The following TRAF4 variants were observed in gnomAD, a reference collection of about 807,000 sequenced individuals.
TRAF4 encodes the protein TNF receptor-associated factor 4.
Under a neutral mutation model 47.3 loss-of-function variants are expected in TRAF4, and 9 were observed. The observed-to-expected ratio is 0.19, with a 90% confidence interval of 0.11 to 0.33. The LOEUF is 0.33. Ranked by LOEUF, TRAF4 falls within the 10% of genes least tolerant of loss-of-function variation. The pLI is 1.00. For missense variants in TRAF4, 448 were observed against 620.3 expected, an observed-to-expected ratio of 0.72 and a Z score of 2.95; for synonymous variants, 236 against 236.9, an observed-to-expected ratio of 1.00 and a Z score of 0.04.
At position 28,749,395 on chromosome 17, in the gene TRAF4, G is replaced by T; in HGVS notation, c.1231G>T (p.Asp411Tyr). ...GCACGTCACTGAGACCTTCCACCCC[G>T]ACCCAAACTGGAAGAATTTCCAGAA... ...PQHVTETFHP[D>Y]PNWKNFQKPG... Residue 411 changes from aspartate (D) to tyrosine (Y), a missense_variant, in exon 7 of 7, where the codon GAC becomes TAC. Coordinates refer to ENST00000262395, the MANE Select transcript of TRAF4 (RefSeq NM_004295.4). 6.2e-7 allele frequency: 1 copy of T among 1,613,944 alleles called. No individual in the cohort carries two copies. The highest frequency in any genetic ancestry group is 1.1e-5 in the South Asian group (1 of 91,086).
chr17:28,748,611 G>C lies in TRAF4; in HGVS notation c.725G>C (p.Ser242Thr). 1 of 1,613,214 alleles carries C rather than the reference G, an allele frequency of 6.2e-7. No individual in the cohort carries two copies. The highest frequency in any genetic ancestry group is 2.2e-5 in the East Asian group (1 of 44,888). The part of the protein sequence containing the change: ...REDLPGHLKD[S>T]CNTALVLCPF... ...GACCTGCCAGGCCATCTGAAGGACAGCTGTAACACCGCCCTGGTGCTCTGC... is the reference window on the plus strand; with the variant it reads ...GACCTGCCAGGCCATCTGAAGGACACCTGTAACACCGCCCTGGTGCTCTGC... Residue 242 changes from serine (S) to threonine (T), a missense_variant, in exon 6 of 7, where the codon AGC becomes ACC. Ser to Thr is a moderately conservative substitution (Grantham distance 58). Coordinates refer to ENST00000262395, the MANE Select transcript of TRAF4 (RefSeq NM_004295.4).
At position 28,749,695 on chromosome 17, in the gene TRAF4, C is replaced by A; in HGVS notation, c.*118C>A. Reference sequence around the variant, plus strand: ...GCTTCTGCTGCCTAGGTTCTGTTACCCCATCCTCCCTCCCCCAGCCACCAC... The same window carrying A: ...GCTTCTGCTGCCTAGGTTCTGTTACACCATCCTCCCTCCCCCAGCCACCAC... On this transcript the variant is annotated 3_prime_UTR_variant, in exon 7 of 7. Transcript: ENST00000262395. 1 of 1,503,600 alleles carries A rather than the reference C, an allele frequency of 6.7e-7. No individual in the cohort carries two copies. The highest frequency in any genetic ancestry group is 9.0e-7 in the Non-Finnish European group (1 of 1,112,512). 93.1% of individuals were successfully genotyped at this position (1,503,600 alleles called of 1,614,324 possible).
Position 28,749,370 on chromosome 17 carries a change from G to A in TRAF4, c.1206G>A (p.Gln402=), listed in dbSNP as rs2034567245. ...DQSDPGLAKP[Q]HVTETFHPDP... ...GCGACCCTGGGCTGGCTAAACCACA[G>A]CACGTCACTGAGACCTTCCACCCCG... is the stretch of plus-strand genomic sequence containing the variant. The change falls in exon 7 of 7, where the codon CAG becomes CAA. Residue 402 remains glutamine, a synonymous_variant. Transcript: ENST00000262395. The A allele has an allele frequency of 1.2e-6, 2 of 1,613,922 alleles. No homozygotes were observed. Among genetic ancestry groups the A allele is most frequent in the Admixed American group, 1.7e-5 (1 of 60,012 alleles).
In TRAF4 at chr17:28,748,353, C is replaced by T. The variant is rs1376251395; in HGVS notation, c.554C>T (p.Thr185Ile). ...MMRRLLAQHA[T>I]SECPKRTQPC... Reference sequence around the variant, plus strand: ...CGGCGGCTGCTGGCCCAGCATGCCACCTCTGAGTGCCCCAAGCGCACTCAG... The same window carrying T: ...CGGCGGCTGCTGGCCCAGCATGCCATCTCTGAGTGCCCCAAGCGCACTCAG... Residue 185 changes from threonine (T) to isoleucine (I), a missense_variant, in exon 5 of 7, where the codon ACC (threonine) becomes ATC (isoleucine). Transcript: ENST00000262395. 19 of 1,613,414 alleles carry T rather than the reference C, an allele frequency of 1.2e-5. No individual in the cohort carries two copies. The highest frequency in any genetic ancestry group is 1.4e-5 in the Non-Finnish European group (17 of 1,179,932).
chr17:28,748,141 A>C lies in TRAF4; in HGVS notation c.425A>C (p.Glu142Ala). The C allele has an allele frequency of 6.2e-7, 1 of 1,613,602 alleles. No homozygotes were observed. The highest frequency in any genetic ancestry group is 1.3e-5 in the African/African-American group (1 of 74,866). ...TGCCCCAAGCGGCGCCTCAAGTGCGAGTTTTGTGGCTGTGACTTCAGTGGG... is the reference window on the plus strand; with the variant it reads ...TGCCCCAAGCGGCGCCTCAAGTGCGCGTTTTGTGGCTGTGACTTCAGTGGG... Reference protein sequence around the residue: ...HDCPKRRLKCEFCGCDFSGEA... With the variant: ...HDCPKRRLKCAFCGCDFSGEA... The change falls in exon 4 of 7, where the codon GAG becomes GCG. Residue 142 changes from glutamate (E) to alanine (A), a missense_variant. Glu to Ala is a moderately radical substitution (Grantham distance 107). Coordinates refer to ENST00000262395, the MANE Select transcript of TRAF4 (RefSeq NM_004295.4).
At chr17:28,746,079 G>A (rs1468580714) in intron 1 of TRAF4, among the ~76,000 whole-genome samples, 1 of 152,248 alleles carries the variant, frequency 6.6e-6, no homozygotes, top group Non-Finnish European at 1.5e-5. Flanking sequence ...GGATCAAGGG[G>A]AGGAGGTGGG....
Position 28,749,630 on chromosome 17 carries a change from A to T in TRAF4, c.*53A>T. 1 of 1,584,754 alleles carries T rather than the reference A, an allele frequency of 6.3e-7. No homozygotes were observed. Among genetic ancestry groups the T allele is most frequent in the Non-Finnish European group, 8.6e-7 (1 of 1,164,340 alleles). Reference sequence around the variant, plus strand: ...CGATGGGGCATGACCTCAGTCAGGCACTGGCTGAACTTGGAGAGGGGGCCG... The same window carrying T: ...CGATGGGGCATGACCTCAGTCAGGCTCTGGCTGAACTTGGAGAGGGGGCCG... On this transcript the variant is annotated 3_prime_UTR_variant, in exon 7 of 7. Coordinates refer to ENST00000262395, the MANE Select transcript of TRAF4 (RefSeq NM_004295.4).
intron 1 of TRAF4, 126 bp from the exon 2 acceptor site, chr17:28,747,087 T>C: frequency 9.8e-7 from 1 of 1,017,670 alleles, no homozygotes; most frequent in Non-Finnish European, 1.4e-6. Flanking sequence ...GCTTGCCCTT[T>C]TGTCTCATCT....
chr17:28,747,063 C>A, intron 1 of TRAF4, 150 bp from the exon 2 acceptor site: 1 of 675,970 alleles, frequency 1.5e-6, no homozygotes, highest in Non-Finnish European at 2.3e-6. Flanking sequence ...GGAAGTAGAG[C>A]CCCTCAGGCC....
At position 28,748,013 on chromosome 17, in the gene TRAF4, C is replaced by G; in HGVS notation, c.301-4C>G. The G allele has an allele frequency of 6.2e-7, 1 of 1,614,146 alleles. No individual in the cohort carries two copies. Among genetic ancestry groups the G allele is most frequent in the Non-Finnish European group, 8.5e-7 (1 of 1,180,042 alleles). ...GCAGGCACTAATTGCAGCCTTCCCA[C>G]CAGGGCCACCTGAATACCTGCAGCT... On this transcript the variant is annotated splice_polypyrimidine_tract_variant and splice_region_variant and intron_variant, in intron 3 of 6. Transcript: ENST00000262395.
chr17:28,744,092 C>A lies in TRAF4; in HGVS notation c.-21C>A. ...CGCCGCGTGCCTGGCCCCGCTCGCC[C>A]GTGCCGGCCGCTCGCCCGCCATGCC... On this transcript the variant is annotated 5_prime_UTR_variant, in exon 1 of 7. Transcript: ENST00000262395. 2 of 1,516,314 alleles carry A rather than the reference C, an allele frequency of 1.3e-6. No individual in the cohort carries two copies. The highest frequency in any genetic ancestry group is 1.2e-5 in the South Asian group (1 of 84,328). 93.9% of individuals were successfully genotyped at this position (1,516,314 alleles called of 1,614,324 possible).
rs373259531 is a variant in TRAF4 at position 28,748,366 on chromosome 17, C to G, written c.567C>G (p.Pro189=). The G allele has an allele frequency of 3.1e-6, 5 of 1,613,618 alleles. No individual in the cohort carries two copies. In the South Asian group the frequency reaches 3.3e-5, roughly 11 times the overall value. ...CCCAGCATGCCACCTCTGAGTGCCCCAAGCGCACTCAGCCCTGCACCTACT... is the reference window on the plus strand; with the variant it reads ...CCCAGCATGCCACCTCTGAGTGCCCGAAGCGCACTCAGCCCTGCACCTACT... The part of the protein sequence containing the change: ...LLAQHATSEC[P]KRTQPCTYCT... The change falls in exon 5 of 7, where the codon CCC becomes CCG. Residue 189 remains proline (P), a synonymous_variant. Coordinates refer to ENST00000262395, the MANE Select transcript of TRAF4 (RefSeq NM_004295.4).
chr17:28,745,110 G>A (rs1250733193), intron 1 of TRAF4, among the ~76,000 whole-genome samples: 1 of 152,234 alleles, frequency 6.6e-6, no homozygotes, highest in East Asian at 1.9e-4. Flanking sequence ...GAGCGCAGGG[G>A]AAGGCCGAGT....
chr17:28,744,417 G>C (rs2034475902), intron 1 of TRAF4, among the ~76,000 whole-genome samples, 162 bp downstream of exon 1: 1 of 144,646 alleles, frequency 6.9e-6, no homozygotes. Context: ...GTCAAGCCCC[G>C]AGGGAGGCCC....
At chr17:28,745,822 G>A (rs1218310326) in intron 1 of TRAF4, among the ~76,000 whole-genome samples, 1 of 152,236 alleles carries the variant, frequency 6.6e-6, no homozygotes, top group Non-Finnish European at 1.5e-5. Context: ...GCCCCAAGCT[G>A]CAGGCTAAGC....
rs1367045971 is a variant in TRAF4, at chr17:28,745,108, G to C, written c.143+853G>C. 7.2e-5 allele frequency among the ~76,000 whole-genome samples: 11 copies of C among 152,352 alleles called. No individual in the cohort carries two copies. The East Asian group carries it at 2.1e-3, about 29-fold the overall frequency. On this transcript the variant is annotated intron_variant, in intron 1 of 6. Coordinates refer to ENST00000262395, the MANE Select transcript of TRAF4 (RefSeq NM_004295.4). Reference sequence around the variant, plus strand: ...CGGAGGTCATGCCCCCAGAGCGCAGGGGAAGGCCGAGTCGGCCACTGCCTG... The same window carrying C: ...CGGAGGTCATGCCCCCAGAGCGCAGCGGAAGGCCGAGTCGGCCACTGCCTG...
In TRAF4 at chr17:28,748,306, T is replaced by A. The variant is rs1186670672; in HGVS notation, c.507T>A (p.Asn169Lys). ...MCPQESVYCE[N>K]KCGARMMRRL... The stretch of plus-strand genomic sequence containing the variant: ...CCCAGGAGAGTGTCTACTGTGAGAA[T>A]AAGTGTGGTGCCCGCATGATGCGGC... The change falls in exon 5 of 7, where the codon AAT becomes AAA. Residue 169 changes from asparagine to lysine, a missense_variant. By Grantham distance (94) the Asn-to-Lys change is moderately conservative. Coordinates refer to ENST00000262395, the MANE Select transcript of TRAF4 (RefSeq NM_004295.4). The A allele has an allele frequency of 6.2e-7, 1 of 1,613,860 alleles. No individual in the cohort carries two copies. The highest frequency in any genetic ancestry group is 2.2e-5 in the East Asian group (1 of 44,872).
chr17:28,749,811 G>T lies in TRAF4; in HGVS notation c.*234G>T. ...AGGGCTGGAAACAAGTGACCCCAGGGCCTGTCTCCCTTCTTGGGTAGGGCA... is the reference window on the plus strand; with the variant it reads ...AGGGCTGGAAACAAGTGACCCCAGGTCCTGTCTCCCTTCTTGGGTAGGGCA... On this transcript the variant is annotated 3_prime_UTR_variant, in exon 7 of 7. Transcript: ENST00000262395. 1 of 746,334 alleles carries T rather than the reference G, an allele frequency of 1.3e-6. No homozygotes were observed. The highest frequency in any genetic ancestry group is 1.5e-5 in the South Asian group (1 of 68,392). 46.2% of individuals were successfully genotyped at this position (746,334 alleles called of 1,614,324 possible). A position where few individuals can be genotyped will look rare whatever the true frequency, so the allele number is the denominator to read the frequency against.
At position 28,749,802 on chromosome 17, in the gene TRAF4, G is replaced by T; in HGVS notation, c.*225G>T. 1.3e-6 allele frequency: 1 copy of T among 770,592 alleles called. No individual in the cohort carries two copies. The highest frequency in any genetic ancestry group is 1.5e-5 in the South Asian group (1 of 68,812). The allele number at this position is 770,592 out of a possible 1,614,324, so 47.7% of individuals were successfully genotyped here. A position where few individuals can be genotyped will look rare whatever the true frequency, so the allele number is the denominator to read the frequency against. On this transcript the variant is annotated 3_prime_UTR_variant, in exon 7 of 7. Transcript: ENST00000262395. ...GGGTCATGAAGGGCTGGAAACAAGTGACCCCAGGGCCTGTCTCCCTTCTTG... is the reference window on the plus strand; with the variant it reads ...GGGTCATGAAGGGCTGGAAACAAGTTACCCCAGGGCCTGTCTCCCTTCTTG...
Sources: allele counts gnomAD v4.1 joint callset (sites outside exome capture counted in the v4.1 genomes callset), GRCh38; gene constraint gnomAD v4.1.1; transcripts MANE v1.5; gene names NCBI Gene and HGNC (gene_info 2026-07-23, HGNC 2026-07-21).